The following SLC9A9 variants were observed in gnomAD, a reference collection of about 807,000 sequenced individuals.
SLC9A9 encodes solute carrier family 9 member A9, also known as sodium/hydrogen exchanger 9.
In SLC9A9, 62 loss-of-function variants were observed where a neutral mutation model predicts 77.8. The ratio of observed to expected loss-of-function variants is 0.80; its 90% CI spans 0.65 to 0.98. The LOEUF (loss-of-function observed/expected upper bound fraction) is 0.98, where lower values mean the gene tolerates loss of function less well. SLC9A9 is among the 50% of genes least tolerant of loss of function. The pLI is 0.00. For missense variants in SLC9A9, 775 were observed against 774.9 expected (o/e 1.00, Z 0.00); for synonymous variants, 320 against 283.5 (o/e 1.13, Z -1.29).
chr3:143,385,370 C>A (rs1193740094), intron 12 of SLC9A9, among the ~76,000 whole-genome samples: 1 of 152,158 alleles, frequency 6.6e-6, no homozygotes, highest in Non-Finnish European at 1.5e-5. Flanking sequence ...TACCCTTGCA[C>A]CCCTTCAGAC....
intron 14 of SLC9A9, among the ~76,000 whole-genome samples, chr3:143,324,582 G>A (rs1167770273): frequency 6.6e-6 from 1 of 152,188 alleles, no homozygotes; most frequent in Admixed American, 6.5e-5. Context: ...AGCACTTTGG[G>A]AGGCTGAGGT....
intron 6 of SLC9A9, among the ~76,000 whole-genome samples, chr3:143,597,213 C>T (rs997766491): frequency 6.6e-6 from 1 of 152,184 alleles, no homozygotes; most frequent in African/African-American, 2.4e-5. Context: ...TAAGTTCATG[C>T]TTGGCTTGGA....
At chr3:143,597,121 C>G (rs1356341092) in intron 6 of SLC9A9, among the ~76,000 whole-genome samples, 1 of 152,126 alleles carries the variant, frequency 6.6e-6, no homozygotes, top group Non-Finnish European at 1.5e-5. Flanking sequence ...AGGAAAAGGC[C>G]GAGGCGGATA....
At chr3:143,732,500 AAG>A (rs1475758887) in intron 4 of SLC9A9, among the ~76,000 whole-genome samples, 2 of 152,220 alleles carry the variant, frequency 1.3e-5, no homozygotes, top group African/African-American at 2.4e-5. Context: ...ACCTGAAAGA[AAG>A]AGCTTTCTAC....
At chr3:143,791,032 G>A (rs989365996) in intron 4 of SLC9A9, among the ~76,000 whole-genome samples, 1 of 152,124 alleles carries the variant, frequency 6.6e-6, no homozygotes, top group Non-Finnish European at 1.5e-5. Flanking sequence ...TGGTGTATAG[G>A]GTGGAGACAT....
intron 12 of SLC9A9, among the ~76,000 whole-genome samples, chr3:143,442,280 A>G (rs2034755893): frequency 6.6e-6 from 1 of 152,234 alleles, no homozygotes; most frequent in South Asian, 2.1e-4. Context: ...ATCTCAGTGG[A>G]GATACGCCCT....
At chr3:143,437,833 A>T (rs2034652509) in intron 12 of SLC9A9, among the ~76,000 whole-genome samples, 1 of 152,226 alleles carries the variant, frequency 6.6e-6, no homozygotes, top group African/African-American at 2.4e-5. Context: ...AATCAAGAGC[A>T]AGACTATAAA....
intron 9 of SLC9A9, among the ~76,000 whole-genome samples, chr3:143,524,991 G>A (rs367676424): frequency 2.0e-5 from 3 of 152,132 alleles, no homozygotes; most frequent in African/African-American, 7.2e-5. Context: ...CTAGAATCAT[G>A]AGCTAAAAAA....
At chr3:143,782,888 A>G (rs1293820690) in intron 4 of SLC9A9, among the ~76,000 whole-genome samples, 1 of 152,192 alleles carries the variant, frequency 6.6e-6, no homozygotes, top group Non-Finnish European at 1.5e-5. Context: ...CAAAGCCAAA[A>G]TGAACTTATG....
At chr3:143,795,301 C>CAAA (rs2008353720) in intron 3 of SLC9A9, among the ~76,000 whole-genome samples, 1 of 101,578 alleles carries the variant, frequency 9.8e-6, no homozygotes, top group African/African-American at 4.0e-5. Flanking sequence ...AAAAAAAAAA[C>CAAA]CCACTGGAAG....
In SLC9A9 at chr3:143,266,587, A is replaced by C; in HGVS notation, c.*115T>G. The stretch of plus-strand genomic sequence containing the variant: ...TGTGACAAGGCTTTGATTCTCTCCA[A>C]TTTATGCTCTTAATATGTTTTCCAG... On this transcript the variant is annotated 3_prime_UTR_variant, in exon 16 of 16. Transcript: ENST00000316549. 1 of 1,040,344 alleles carries C rather than the reference A, an allele frequency of 9.6e-7. No homozygotes were observed. The highest frequency in any genetic ancestry group is 1.5e-6 in the Non-Finnish European group (1 of 682,098). 64.4% of individuals were successfully genotyped at this position (1,040,344 alleles called of 1,614,324 possible). A position where few individuals can be genotyped will look rare whatever the true frequency, so the allele number is the denominator to read the frequency against.
rs142690244 is a variant in SLC9A9 at position 143,804,008 on chromosome 3, C to T, written c.379-7105G>A. Reference sequence around the variant, plus strand: ...TCTCCTTATATTAACTCTACTCCCCCCTTATGTGGACCCCTCACAACACAA... The same window carrying T: ...TCTCCTTATATTAACTCTACTCCCCTCTTATGTGGACCCCTCACAACACAA... On this transcript the variant is annotated intron_variant, in intron 2 of 15. Transcript: ENST00000316549. Among the ~76,000 whole-genome samples, 38 of 152,256 alleles carry T rather than the reference C, an allele frequency of 2.5e-4. No individual in the cohort carries two copies. The East Asian group carries it at 5.6e-3, about 22-fold the overall frequency.
intron 8 of SLC9A9, among the ~76,000 whole-genome samples, chr3:143,566,977 G>A (rs1300723544): frequency 6.6e-6 from 1 of 152,116 alleles, no homozygotes; most frequent in East Asian, 1.9e-4. Flanking sequence ...AATTCCATTG[G>A]AGATATGCTA....
chr3:143,529,290 T>C (rs1474894290), intron 9 of SLC9A9, among the ~76,000 whole-genome samples: 1 of 152,164 alleles, frequency 6.6e-6, no homozygotes, highest in Non-Finnish European at 1.5e-5. Context: ...ATAAAAACAC[T>C]GGAGAGAGAA....
intron 5 of SLC9A9, among the ~76,000 whole-genome samples, chr3:143,656,862 T>C (rs1199991243): frequency 6.6e-6 from 1 of 152,126 alleles, no homozygotes; most frequent in African/African-American, 2.4e-5. Flanking sequence ...GTGTAGAACC[T>C]TGGTATTCTC....
intron 6 of SLC9A9, among the ~76,000 whole-genome samples, chr3:143,591,857 A>G (rs1274752794): frequency 6.6e-6 from 1 of 152,218 alleles, no homozygotes; most frequent in Non-Finnish European, 1.5e-5. Context: ...TGTAGACTGG[A>G]AGACTACATA....
chr3:143,266,251 A>G lies in SLC9A9; in HGVS notation c.*451T>C. 1 of 613,714 alleles carries G rather than the reference A, an allele frequency of 1.6e-6. No homozygotes were observed. The highest frequency in any genetic ancestry group is 2.9e-6 in the Non-Finnish European group (1 of 345,336). The allele number at this position is 613,714 out of a possible 1,614,324, so 38.0% of individuals were successfully genotyped here. ...AAATAAGAAACTTATCACTTACTAA[A>G]TAGCTGGGCATTCCCTTCAGCTTAG... On this transcript the variant is annotated 3_prime_UTR_variant, in exon 16 of 16. Coordinates refer to ENST00000316549, the MANE Select transcript of SLC9A9 (RefSeq NM_173653.4).
chr3:143,276,069 C>A (rs1352091419), intron 14 of SLC9A9, among the ~76,000 whole-genome samples: 4 of 151,682 alleles, frequency 2.6e-5, no homozygotes, highest in African/African-American at 7.3e-5. Context: ...CCCTATCCTG[C>A]TCAATTCTAA....
At chr3:143,352,619 C>T (rs1042079101) in intron 14 of SLC9A9, among the ~76,000 whole-genome samples, 2 of 134,742 alleles carry the variant, frequency 1.5e-5, no homozygotes, top group Non-Finnish European at 3.0e-5. Flanking sequence ...TAGACTCTGG[C>T]CCTAACAATT....
Sources: gnomAD v4.1 joint callset for allele counts (sites outside exome capture counted in the v4.1 genomes callset) on GRCh38, gnomAD v4.1.1 for gene constraint, MANE v1.5 for transcripts, NCBI Gene and HGNC (gene_info 2026-07-23, HGNC 2026-07-21) for gene names.